Variants in TNRC18 observed in about 807,000 individuals in gnomAD.
The protein encoded by TNRC18 is trinucleotide repeat-containing gene 18 protein.
TNRC18 carries 69 observed loss-of-function variants against 226.7 expected under a neutral mutation model. That is an observed-to-expected ratio of 0.30 (90% confidence interval 0.25 to 0.37). The LOEUF is 0.37. Among genes scored for constraint, TNRC18 ranks in the 10% least tolerant of loss-of-function variants. The probability of loss-of-function intolerance (pLI) is 1.00; values close to 1 mark genes in which losing one functional copy is unlikely to be tolerated. For missense variants in TNRC18, 4,754 were observed against 4,256.6 expected, an observed-to-expected ratio of 1.12 and a Z score of -3.25; for synonymous variants, 2,449 against 1,927.6, an observed-to-expected ratio of 1.27 and a Z score of -7.09.
intron 9 of TNRC18, among the ~76,000 whole-genome samples, chr7:5,375,794 C>G (rs1794613263): frequency 6.6e-6 from 1 of 152,178 alleles, no homozygotes; most frequent in Admixed American, 6.5e-5. Flanking sequence ...GCTCCTGCAC[C>G]CTGCCCTGCC....
intron 24 of TNRC18, among the ~76,000 whole-genome samples, chr7:5,317,411 G>A (rs924231768): frequency 1.3e-5 from 2 of 152,136 alleles, no homozygotes; most frequent in Admixed American, 6.6e-5. Context: ...CCAACATGGT[G>A]AAATCCTATC....
At chr7:5,360,812 C>A (rs1025354521) in intron 14 of TNRC18, among the ~76,000 whole-genome samples, 1 of 152,178 alleles carries the variant, frequency 6.6e-6, no homozygotes, top group Non-Finnish European at 1.5e-5. Context: ...ACATGGGGGC[C>A]TTGGGGCTGT....
chr7:5,377,131 C>A lies in TNRC18; in HGVS notation c.2462-138G>T. The A allele has an allele frequency of 1.5e-6, 2 of 1,320,026 alleles. No homozygotes were observed. The highest frequency in any genetic ancestry group is 2.1e-6 in the Non-Finnish European group (2 of 975,070). 81.8% of individuals were successfully genotyped at this position (1,320,026 alleles called of 1,614,324 possible). ...GTGGGGAAGCCAAGGGACAGGGGTG[C>A]TGGCTGGCTGCAAAGAGCACCCCAG... On this transcript the variant is annotated intron_variant, in intron 7 of 29. Coordinates refer to ENST00000430969, the MANE Select transcript of TNRC18 (RefSeq NM_001080495.3). This position sits in a 1 kb window ranked among gnomAD's most constrained non-coding sequence, Gnocchi z 5.8.
At chr7:5,362,517 AAGGAGCTGAAC>A (rs1303250729) in intron 12 of TNRC18, 122 bp downstream of exon 12, 1 of 824,192 alleles carries the variant, frequency 1.2e-6, no homozygotes, top group African/African-American at 1.7e-5. Context: ...ACATCAGCAC[AAGGAGCTGAAC>A]GTAGCTCAGG....
chr7:5,348,908 C>A (rs1247741659), intron 17 of TNRC18, among the ~76,000 whole-genome samples: 2 of 151,916 alleles, frequency 1.3e-5, no homozygotes, highest in Non-Finnish European at 2.9e-5. Flanking sequence ...GCGCCTGGGT[C>A]CCCCACATCA....
intron 2 of TNRC18, among the ~76,000 whole-genome samples, chr7:5,399,131 C>T (rs1780905147): frequency 6.6e-6 from 1 of 152,262 alleles, no homozygotes; most frequent in East Asian, 1.9e-4. Flanking sequence ...CCACCCACTG[C>T]TCACACCCAC....
chr7:5,308,847 GC>G, intron 29 of TNRC18, 27 bp downstream of exon 29: 1 of 514,996 alleles, frequency 1.9e-6, no homozygotes, highest in Non-Finnish European at 3.0e-6. Flanking sequence ...TCCCCAACCC[GC>G]CCACCACCAC....
At chr7:5,319,326 G>A (rs964398899) in intron 24 of TNRC18, among the ~76,000 whole-genome samples, 1 of 152,128 alleles carries the variant, frequency 6.6e-6, no homozygotes, top group Non-Finnish European at 1.5e-5. Context: ...ACTGTATTTG[G>A]CATGTGAGTG....
chr7:5,353,448 A>G (rs1792039005), intron 16 of TNRC18, among the ~76,000 whole-genome samples: 1 of 150,708 alleles, frequency 6.6e-6, no homozygotes, highest in Non-Finnish European at 1.5e-5. Flanking sequence ...TATCCCAGCT[A>G]CTCCGGAGGC....
intron 2 of TNRC18, among the ~76,000 whole-genome samples, chr7:5,399,672 C>T (rs563910584): frequency 1.3e-5 from 2 of 152,112 alleles, no homozygotes; most frequent in East Asian, 3.9e-4. Flanking sequence ...CGCCACTGCA[C>T]TCCAGCCTGG....
At chr7:5,379,734 A>AG (rs1215615485) in intron 5 of TNRC18, among the ~76,000 whole-genome samples, 4 of 152,208 alleles carry the variant, frequency 2.6e-5, no homozygotes, top group Non-Finnish European at 5.9e-5. Context: ...GAGGAAGCTG[A>AG]GCCCCACGGC....
intron 2 of TNRC18, among the ~76,000 whole-genome samples, chr7:5,404,923 G>A (rs1781363352): frequency 6.6e-6 from 1 of 151,954 alleles, no homozygotes; most frequent in African/African-American, 2.4e-5. Context: ...CGACCAGCCT[G>A]GACAACACGG....
At chr7:5,359,992 A>G (rs1347706785) in intron 14 of TNRC18, among the ~76,000 whole-genome samples, 1 of 152,040 alleles carries the variant, frequency 6.6e-6, no homozygotes, top group Non-Finnish European at 1.5e-5. Context: ...AGTAAGGGAA[A>G]AAAAAAACGA....
Position 5,377,312 on chromosome 7 carries a change from A to ACCCCCCCCCCCCCCCCC in TNRC18, c.2461+58_2461+59insGGGGGGGGGGGGGGGGG. On this transcript the variant is annotated intron_variant, in intron 7 of 29. Transcript: ENST00000430969. The surrounding 1 kb of genome is among the most constrained non-coding windows in gnomAD (Gnocchi z 5.8). ...AGCCAGCCCTGAGCTCTTGTCCTGC[A>ACCCCCCCCCCCCCCCCC]CCCGCCCCCTCCCACCCCTCCCTCA... 7 of 1,295,722 alleles carry ACCCCCCCCCCCCCCCCC rather than the reference A, an allele frequency of 5.4e-6. No homozygotes were observed. The highest frequency in any genetic ancestry group is 5.3e-6 in the Non-Finnish European group (5 of 951,896). 80.3% of individuals were successfully genotyped at this position (1,295,722 alleles called of 1,614,324 possible).
chr7:5,312,663 G>A lies in TNRC18; in HGVS notation c.8228C>T (p.Ala2743Val), dbSNP rs1219721404. 4 of 1,607,002 alleles carry A rather than the reference G, an allele frequency of 2.5e-6. No homozygotes were observed. Among genetic ancestry groups the A allele is most frequent in the African/African-American group, 1.3e-5 (1 of 74,760 alleles). The change falls in exon 27 of 30, where the codon GCC (alanine) becomes GTC (valine). Residue 2743 changes from alanine to valine, a missense_variant. Coordinates refer to ENST00000430969, the MANE Select transcript of TNRC18 (RefSeq NM_001080495.3). This position sits in a 1 kb window ranked among gnomAD's most constrained non-coding sequence, Gnocchi z 6.3. Reference protein sequence around the residue: ...PTQPLQPKAQAGAKSRPKKRE... With the variant: ...PTQPLQPKAQVGAKSRPKKRE... ...CTTCTTGGGTCGGCTCTTGGCCCCG[G>A]CCTGAGCCTTGGGCTGCAGAGGCTG...
chr7:5,345,592 G>C lies in TNRC18; in HGVS notation c.5689C>G (p.Arg1897Gly). 6.9e-7 allele frequency: 1 copy of C among 1,456,356 alleles called. No homozygotes were observed. Among genetic ancestry groups the C allele is most frequent in the Admixed American group, 2.2e-5 (1 of 46,014 alleles). 90.2% of individuals were successfully genotyped at this position (1,456,356 alleles called of 1,614,324 possible). Reference sequence around the variant, plus strand: ...AGGCTCTGCCGCTCCTCTTTCTTCCGGGCCTTCTGCTTGGCCTCCAGCTGT... The same window carrying C: ...AGGCTCTGCCGCTCCTCTTTCTTCCCGGCCTTCTGCTTGGCCTCCAGCTGT... ...VVQLEAKQKA[R>G]KKEERQSLLG... Residue 1897 changes from arginine to glycine, a missense_variant, in exon 18 of 30, where the codon CGG (arginine) becomes GGG (glycine). Coordinates refer to ENST00000430969, the MANE Select transcript of TNRC18 (RefSeq NM_001080495.3).
In TNRC18 at chr7:5,357,059, A is replaced by C; in HGVS notation, c.5051T>G (p.Leu1684Arg). The change falls in exon 16 of 30, where the codon CTC becomes CGC. Residue 1684 changes from leucine to arginine, a missense_variant. Coordinates refer to ENST00000430969, the MANE Select transcript of TNRC18 (RefSeq NM_001080495.3). ...GKNRKALAKG[L>R]GLSLKSSREG... ...TCTGGAGGATTTCAGAGACAGGCCG[A>C]GGCCCTTGGCCAGCGCCTTCCTGTT... is the stretch of plus-strand genomic sequence containing the variant. 1 of 1,552,170 alleles carries C rather than the reference A, an allele frequency of 6.4e-7. No homozygotes were observed. Among genetic ancestry groups the C allele is most frequent in the East Asian group, 2.4e-5 (1 of 40,920 alleles).
rs183097589 is a variant in TNRC18, at chr7:5,325,254, G to T, written c.6148-6C>A. 37 of 1,549,868 alleles carry T rather than the reference G, an allele frequency of 2.4e-5. No individual in the cohort carries two copies. The highest frequency in any genetic ancestry group is 2.9e-5 in the Non-Finnish European group (33 of 1,153,764). ...GCCTCTTTCCCTTTCTTCTTCTGGA[G>T]GAGGAAGCAGCAGAGAGGAGCCATC... On this transcript the variant is annotated splice_polypyrimidine_tract_variant and splice_region_variant and intron_variant, in intron 19 of 29. Coordinates refer to ENST00000430969, the MANE Select transcript of TNRC18 (RefSeq NM_001080495.3).
At chr7:5,374,899 G>C (rs890389497) in intron 9 of TNRC18, among the ~76,000 whole-genome samples, 37 of 152,358 alleles carry the variant, frequency 2.4e-4, no homozygotes, top group African/African-American at 8.2e-4. Flanking sequence ...CATCATTTTA[G>C]GGTCTCAAAA....
Sources: allele counts gnomAD v4.1 joint callset (sites outside exome capture counted in the v4.1 genomes callset), GRCh38; gene constraint gnomAD v4.1.1; non-coding constraint Gnocchi (gnomAD v3.1); transcripts MANE v1.5; gene names NCBI Gene and HGNC (gene_info 2026-07-23, HGNC 2026-07-21).